Variants in PAH observed in about 807,000 individuals in gnomAD.
PAH encodes phenylalanine hydroxylase, also known as phenylalanine-4-hydroxylase.
PAH carries 64 observed loss-of-function variants against 62.0 expected under a neutral mutation model. That is an observed-to-expected ratio of 1.03 (90% CI 0.84 to 1.27). PAH has a LOEUF of 1.27. PAH is among the 50% of genes most tolerant of loss of function. The pLI is 0.00. For synonymous variants in PAH, 195 were observed against 196.2 expected (o/e 0.99, Z 0.05); for missense variants, 579 against 542.8 (o/e 1.07, Z -0.66).
At chr12:102,937,818 T>C (rs1308501102) in intron 1 of PAH, among the ~76,000 whole-genome samples, 2 of 152,224 alleles carry the variant, frequency 1.3e-5, no homozygotes, top group African/African-American at 4.8e-5. Context: ...TTCTTTCAGA[T>C]TAAAAAACTC....
At chr12:102,844,458 A>G (rs888930261) in intron 9 of PAH, 27 bp from the exon 10 acceptor site, 4 of 1,428,284 alleles carry the variant, frequency 2.8e-6, no homozygotes, top group Middle Eastern at 1.7e-4. Flanking sequence ...ATCTGAGAGC[A>G]CACTCTATGA....
intron 8 of PAH, among the ~76,000 whole-genome samples, chr12:102,848,294 G>A (rs990311298): frequency 7.0e-6 from 1 of 142,112 alleles, no homozygotes; most frequent in South Asian, 2.1e-4. Flanking sequence ...GAGAGGTTAA[G>A]TGTAGACAGG....
At chr12:102,861,251 C>T (rs1875701693) in intron 5 of PAH, among the ~76,000 whole-genome samples, 1 of 152,218 alleles carries the variant, frequency 6.6e-6, no homozygotes, top group Non-Finnish European at 1.5e-5. Context: ...CACTGGCCAT[C>T]AGAGAAATGC....
chr12:102,877,712 C>T (rs1295303195), intron 3 of PAH, among the ~76,000 whole-genome samples, 162 bp from the exon 4 acceptor site: 1 of 152,230 alleles, frequency 6.6e-6, no homozygotes, highest in African/African-American at 2.4e-5. Context: ...ACTCCATTTT[C>T]CTTAGAAACC....
At chr12:102,879,932 A>G (rs556040469) in intron 3 of PAH, among the ~76,000 whole-genome samples, 14 of 152,340 alleles carry the variant, frequency 9.2e-5, no homozygotes, top group African/African-American at 3.4e-4. Flanking sequence ...CCATCACTCC[A>G]GGTAACACTT....
chr12:102,956,112 G>T (rs1333429990), intron 1 of PAH, among the ~76,000 whole-genome samples: 1 of 152,162 alleles, frequency 6.6e-6, no homozygotes, highest in African/African-American at 2.4e-5. Flanking sequence ...ACAAAGGGGA[G>T]TTCAATTAGA....
At chr12:102,858,898 A>G (rs879755367) in intron 5 of PAH, among the ~76,000 whole-genome samples, 24 of 152,210 alleles carry the variant, frequency 1.6e-4, no homozygotes, top group Admixed American at 1.4e-3. Flanking sequence ...ATACACTAAC[A>G]TCACAATGGA....
Position 102,879,605 on chromosome 12 carries a change from T to TCG in PAH, c.353-2056_353-2055insCG, listed in dbSNP as rs1555206705. ...AATGGTGTTCTAAATATTTTACCTG[T>TCG]GGGGGGGGGGTACTATTAATGTTCC... is the stretch of plus-strand genomic sequence containing the variant. On this transcript the variant is annotated intron_variant, in intron 3 of 12. Transcript: ENST00000553106. 7.9e-5 allele frequency among the ~76,000 whole-genome samples: 11 copies of TCG among 139,354 alleles called. 1 individual carries two copies. Among genetic ancestry groups the TCG allele is most frequent in the African/African-American group, 3.0e-4 (11 of 37,078 alleles). The allele number at this position is 139,354 out of a possible 152,430, so 91.4% of individuals were successfully genotyped here.
At chr12:102,840,706 T>A (rs1874558583) in intron 11 of PAH, among the ~76,000 whole-genome samples, 191 bp from the exon 12 acceptor site, 1 of 152,188 alleles carries the variant, frequency 6.6e-6, no homozygotes, top group South Asian at 2.1e-4. Flanking sequence ...TCTGTATGTG[T>A]GTATGTGTAT....
intron 9 of PAH, among the ~76,000 whole-genome samples, chr12:102,845,919 A>G (rs1290826097): frequency 1.3e-5 from 2 of 152,202 alleles, no homozygotes; most frequent in Non-Finnish European, 2.9e-5. Context: ...GTTATGGCAG[A>G]TAACATGATG....
chr12:102,911,915 G>T (rs866223720), intron 2 of PAH, among the ~76,000 whole-genome samples: 2 of 152,280 alleles, frequency 1.3e-5, no homozygotes, highest in Middle Eastern at 6.8e-3. Flanking sequence ...TGTATTTTCA[G>T]GTGGGACAAA....
intron 1 of PAH, among the ~76,000 whole-genome samples, chr12:102,956,653 G>A (rs1879921787): frequency 6.6e-6 from 1 of 152,160 alleles, no homozygotes; most frequent in African/African-American, 2.4e-5. Flanking sequence ...CGAGGGTCTG[G>A]GAGTATCCCA....
chr12:102,854,472 C>T (rs1011304546), intron 6 of PAH, among the ~76,000 whole-genome samples: 36 of 152,314 alleles, frequency 2.4e-4, no homozygotes, highest in Non-Finnish European at 2.9e-4. Flanking sequence ...GAGAGGCTTG[C>T]GACTCAATGT....
chr12:102,938,179 T>C (rs1017261262), intron 1 of PAH, among the ~76,000 whole-genome samples: 10 of 151,680 alleles, frequency 6.6e-5, no homozygotes, highest in South Asian at 2.1e-4. Context: ...CCACCAAGGA[T>C]TGGCATGGAA....
In PAH at chr12:102,926,559, TA is replaced by T. The variant is rs147599060; in HGVS notation, c.-95-9335del. 5.5e-3 allele frequency among the ~76,000 whole-genome samples: 836 copies of T among 151,752 alleles called. 9 individuals carry two copies. Among genetic ancestry groups the T allele is most frequent in the African/African-American group, 0.019 (792 of 41,418 alleles). ...CAAAAGTAATTGCAGTTTTTGCCAT[TA>T]AAAAAATGCAAAAACCACAATTACT... On this transcript the variant is annotated intron_variant, in intron 1 of 3. Coordinates refer to the PAH transcript ENST00000546844.
intron 1 of PAH, among the ~76,000 whole-genome samples, chr12:102,916,052 C>G (rs1296723864): frequency 1.3e-5 from 2 of 152,106 alleles, no homozygotes; most frequent in Admixed American, 1.3e-4. Flanking sequence ...AGGATGGAGC[C>G]AGGACCTGTT....
At chr12:102,853,010 G>A (rs947627320) in intron 6 of PAH, 60 bp from the exon 7 acceptor site, 1 of 1,589,782 alleles carries the variant, frequency 6.3e-7, no homozygotes, top group Non-Finnish European at 8.6e-7. Context: ...GAGGCACTAG[G>A]AGACCTTTAG....
At chr12:102,867,164 T>C (rs958435308) in intron 4 of PAH, among the ~76,000 whole-genome samples, 2 of 152,202 alleles carry the variant, frequency 1.3e-5, no homozygotes, top group African/African-American at 4.8e-5. Context: ...ATTTTACATA[T>C]AATTCTCACA....
At chr12:102,941,040 A>G (rs1453779760) in intron 1 of PAH, among the ~76,000 whole-genome samples, 1 of 152,224 alleles carries the variant, frequency 6.6e-6, no homozygotes, top group African/African-American at 2.4e-5. Context: ...AAGAAAATAA[A>G]TTCCAACCAA....
Sources: gnomAD v4.1 joint callset for allele counts (sites outside exome capture counted in the v4.1 genomes callset) on GRCh38, gnomAD v4.1.1 for gene constraint, MANE v1.5 for transcripts, NCBI Gene and HGNC (gene_info 2026-07-23, HGNC 2026-07-21) for gene names.